The following AMBRA1 variants were observed in gnomAD, a reference collection of about 807,000 sequenced individuals.
AMBRA1 encodes autophagy and beclin 1 regulator 1, also known as activating molecule in BECN1-regulated autophagy protein 1.
In AMBRA1, 47 loss-of-function variants were observed where a neutral mutation model predicts 125.4. The observed-to-expected ratio is 0.37, with a 90% CI of 0.30 to 0.48. The LOEUF (loss-of-function observed/expected upper bound fraction) is 0.48, where lower values mean the gene tolerates loss of function less well. Ranked by LOEUF, AMBRA1 falls within the 20% of genes least tolerant of loss-of-function variation. The pLI, the probability that AMBRA1 is intolerant of heterozygous loss-of-function variation, is 0.99. For synonymous variants in AMBRA1, 626 were observed against 655.5 expected, an observed-to-expected ratio of 0.95 and a Z score of 0.69; for missense variants, 1,331 against 1,693.4, an observed-to-expected ratio of 0.79 and a Z score of 3.76.
chr11:46,506,445 G>T (rs1485876828), intron 9 of AMBRA1, among the ~76,000 whole-genome samples: 1 of 152,218 alleles, frequency 6.6e-6, no homozygotes, highest in Non-Finnish European at 1.5e-5. Flanking sequence ...TTGGTACAAA[G>T]GTTGTTCTCA....
At chr11:46,516,434 TTTTTTTTTTTTTTTG>T (rs1951489732) in intron 7 of AMBRA1, among the ~76,000 whole-genome samples, 1 of 139,320 alleles carries the variant, frequency 7.2e-6, no homozygotes, top group African/African-American at 2.7e-5. Context: ...TTTTTTTTTT[TTTTTTTTTTTTTTTG>T]AGACGGTGTC....
chr11:46,515,165 CCA>C (rs1014361179), intron 7 of AMBRA1, among the ~76,000 whole-genome samples: 5 of 152,194 alleles, frequency 3.3e-5, no homozygotes, highest in African/African-American at 1.2e-4. Context: ...GCAGCATCCT[CCA>C]CAGTGACCAA....
intron 14 of AMBRA1, among the ~76,000 whole-genome samples, chr11:46,431,969 T>C (rs1947473268): frequency 6.6e-6 from 1 of 152,236 alleles, no homozygotes; most frequent in South Asian, 2.1e-4. Flanking sequence ...GGACATGATG[T>C]TATGTTACCC....
intron 11 of AMBRA1, among the ~76,000 whole-genome samples, chr11:46,480,980 T>C (rs1293851469): frequency 6.6e-6 from 1 of 152,228 alleles, no homozygotes; most frequent in African/African-American, 2.4e-5. Flanking sequence ...AATTTGCTGA[T>C]ACTTAAAGGT....
At chr11:46,438,852 T>G (rs1250728438) in intron 12 of AMBRA1, among the ~76,000 whole-genome samples, 1 of 152,204 alleles carries the variant, frequency 6.6e-6, no homozygotes, top group East Asian at 1.9e-4. Context: ...TGAGGCCTTA[T>G]TCATAAACTT....
At chr11:46,443,689 G>T in intron 11 of AMBRA1, 91 bp from the exon 12 acceptor site, 1 of 1,084,812 alleles carries the variant, frequency 9.2e-7, no homozygotes. Flanking sequence ...TAGTAGTGGG[G>T]AGAGAAGAGG....
intron 15 of AMBRA1, among the ~76,000 whole-genome samples, chr11:46,413,327 C>A (rs886375294): frequency 6.6e-6 from 1 of 152,174 alleles, no homozygotes; most frequent in African/African-American, 2.4e-5. Flanking sequence ...TTCTGCTCCC[C>A]ACAAACAGGT....
chr11:46,478,901 T>TA (rs1483773147), intron 11 of AMBRA1, among the ~76,000 whole-genome samples: 2 of 152,094 alleles, frequency 1.3e-5, no homozygotes, highest in Admixed American at 1.3e-4. Flanking sequence ...AGGACACTTT[T>TA]AAAAAAAGCA....
Position 46,485,645 on chromosome 11 carries a change from G to A in AMBRA1, c.2521+7963C>T, listed in dbSNP as rs1385826970. Reference sequence around the variant, plus strand: ...AAATACTAAGCATTTAGAAAGTGCTGTGTACATTTTAAGGTGACAATACAG... The same window carrying A: ...AAATACTAAGCATTTAGAAAGTGCTATGTACATTTTAAGGTGACAATACAG... On this transcript the variant is annotated intron_variant, in intron 11 of 17. Coordinates refer to ENST00000683756, the MANE Select transcript of AMBRA1 (RefSeq NM_001387011.1). Among the ~76,000 whole-genome samples, 4 of 152,202 alleles carry A rather than the reference G, an allele frequency of 2.6e-5. 1 individual carries two copies. The highest frequency in any genetic ancestry group is 9.7e-5 in the African/African-American group (4 of 41,440).
chr11:46,555,677 T>C (rs1303950914), intron 1 of AMBRA1, among the ~76,000 whole-genome samples: 1 of 152,206 alleles, frequency 6.6e-6, no homozygotes, highest in Non-Finnish European at 1.5e-5. Context: ...AAATAAAGTA[T>C]GTTTATGTGG....
chr11:46,558,493 G>A (rs1351881083), intron 1 of AMBRA1, among the ~76,000 whole-genome samples: 1 of 135,288 alleles, frequency 7.4e-6, no homozygotes, highest in African/African-American at 2.8e-5. Flanking sequence ...AGGTTGCAAT[G>A]AGCTGAGATC....
chr11:46,588,492 T>C (rs1591205639), intron 1 of AMBRA1, among the ~76,000 whole-genome samples: 1 of 152,006 alleles, frequency 6.6e-6, no homozygotes, highest in Admixed American at 6.6e-5. Context: ...AGTATTATGA[T>C]GGGCCGGGCA....
rs760302067 is a variant in AMBRA1 at position 46,417,985 on chromosome 11, C to T, written c.3044G>A (p.Arg1015His). The change falls in exon 15 of 18, where the codon CGT becomes CAT. Residue 1015 changes from arginine to histidine, a missense_variant. Around this residue, in one of 4 missense-constraint regions of AMBRA1, gnomAD observed 354 missense variants for 532.7 expected, o/e 0.66. Transcript: ENST00000683756. ...QRRHVSINSA[R>H]WLPEPGLGLA... The stretch of plus-strand genomic sequence containing the variant: ...GCCAAGCCCTGGCTCAGGCAGCCAA[C>T]GGGCAGAGTTGATACTGACATGTCT... 11 of 1,610,610 alleles carry T rather than the reference C, an allele frequency of 6.8e-6. No homozygotes were observed. The highest frequency in any genetic ancestry group is 1.3e-5 in the African/African-American group (1 of 74,734).
At chr11:46,507,941 C>T (rs1951116502) in intron 9 of AMBRA1, among the ~76,000 whole-genome samples, 1 of 152,300 alleles carries the variant, frequency 6.6e-6, no homozygotes, top group South Asian at 2.1e-4. Context: ...ACCATCCTCT[C>T]GCAATCTGGC....
intron 12 of AMBRA1, among the ~76,000 whole-genome samples, chr11:46,437,480 T>C (rs1309427663): frequency 6.6e-6 from 1 of 152,256 alleles, no homozygotes; most frequent in African/African-American, 2.4e-5. Context: ...GCTCATGATC[T>C]GGGGTTTCAC....
chr11:46,532,529 C>T (rs542264349), intron 7 of AMBRA1, among the ~76,000 whole-genome samples: 4 of 152,266 alleles, frequency 2.6e-5, no homozygotes, highest in East Asian at 3.9e-4. Context: ...CTCTGCCTCC[C>T]GGCTTCAAGC....
chr11:46,408,426 G>T, intron 17 of AMBRA1, 87 bp downstream of exon 17: 1 of 1,321,546 alleles, frequency 7.6e-7, no homozygotes, highest in Non-Finnish European at 9.8e-7. Context: ...CCAGACATGG[G>T]AGGGGGTATG....
chr11:46,535,227 C>T (rs189402502), intron 7 of AMBRA1, among the ~76,000 whole-genome samples: 40 of 152,264 alleles, frequency 2.6e-4, no homozygotes, highest in African/African-American at 7.0e-4. Flanking sequence ...AGTTAGAAAG[C>T]GTTTACTGTA....
At chr11:46,437,792 T>C (rs1230895517) in intron 12 of AMBRA1, among the ~76,000 whole-genome samples, 1 of 152,200 alleles carries the variant, frequency 6.6e-6, no homozygotes, top group African/African-American at 2.4e-5. Flanking sequence ...CTCATCCTTT[T>C]TGGATTCAAC....
Sources: allele counts gnomAD v4.1 joint callset (sites outside exome capture counted in the v4.1 genomes callset), GRCh38; gene constraint gnomAD v4.1.1; regional missense constraint gnomAD v4.1.1; transcripts MANE v1.5; gene names NCBI Gene and HGNC (gene_info 2026-07-23, HGNC 2026-07-21).